The following GPC5 variants were observed in gnomAD, a reference collection of about 807,000 sequenced individuals.
GPC5 encodes glypican-5.
GPC5 carries 47 observed loss-of-function variants against 53.9 expected under a neutral mutation model. That is an observed-to-expected ratio of 0.87 (90% CI 0.69 to 1.11). The LOEUF is 1.11. Among genes scored for constraint, GPC5 ranks in the 50% most tolerant of loss-of-function variants. GPC5 has a pLI of 0.00. For synonymous variants in GPC5, 286 were observed against 263.3 expected (o/e 1.09, Z -0.84); for missense variants, 748 against 713.1 (o/e 1.05, Z -0.56).
Position 91,693,810 on chromosome 13 carries a change from C to T in GPC5, c.949C>T (p.Leu317=), listed in dbSNP as rs149015815. 3.5e-4 allele frequency: 571 copies of T among 1,613,504 alleles called. 9 individuals carry two copies. The South Asian group carries it at 6.0e-3, about 17-fold the overall frequency. Residue 317 remains leucine (L), a synonymous_variant, in exon 3 of 8, where the codon CTG becomes TTG. Transcript: ENST00000377067. ...HGTYDIGHVL[L]NFHLLVNDAV... Reference sequence around the variant, plus strand: ...AACATACGACATTGGACACGTGCTGCTGAACTTTCACTTGCTTGTTAATGA... The same window carrying T: ...AACATACGACATTGGACACGTGCTGTTGAACTTTCACTTGCTTGTTAATGA...
At position 92,866,527 on chromosome 13, in the gene GPC5, G is replaced by T. The variant is rs1309339431; in HGVS notation, c.*88G>T. The T allele has an allele frequency of 4.7e-6, 5 of 1,063,544 alleles. No individual in the cohort carries two copies. In the African/African-American group the frequency reaches 6.5e-5, roughly 14 times the overall value. 65.9% of individuals were successfully genotyped at this position (1,063,544 alleles called of 1,614,324 possible). A position where few individuals can be genotyped will look rare whatever the true frequency, so the allele number is the denominator to read the frequency against. On this transcript the variant is annotated 3_prime_UTR_variant, in exon 8 of 8. Coordinates refer to ENST00000377067, the MANE Select transcript of GPC5 (RefSeq NM_004466.6). ...CTGGAATAAGAGATCCTTTTTCAAT[G>T]TAACAATTATATTTATGAAAAGATA...
chr13:92,009,195 A>G (rs2040637443), intron 6 of GPC5, among the ~76,000 whole-genome samples: 1 of 150,752 alleles, frequency 6.6e-6, no homozygotes, highest in Non-Finnish European at 1.5e-5. Flanking sequence ...CTTGGCATAT[A>G]CAATAATTTT....
intron 2 of GPC5, among the ~76,000 whole-genome samples, chr13:91,681,877 C>G (rs924413677): frequency 6.6e-6 from 1 of 152,104 alleles, no homozygotes; most frequent in Non-Finnish European, 1.5e-5. Context: ...TTATCATACA[C>G]AATATCTTAA....
intron 7 of GPC5, among the ~76,000 whole-genome samples, chr13:92,467,262 A>G (rs1046188293): frequency 3.3e-5 from 5 of 152,096 alleles, no homozygotes; most frequent in African/African-American, 1.2e-4. Context: ...GAAGACGATT[A>G]AAGAGAGGGA....
intron 5 of GPC5, among the ~76,000 whole-genome samples, chr13:91,850,904 T>A (rs1427939180): frequency 3.9e-5 from 6 of 152,174 alleles, no homozygotes; most frequent in Admixed American, 3.9e-4. Context: ...TCATGGAATA[T>A]GAATAGTCAT....
chr13:91,953,463 C>T (rs910688707), intron 6 of GPC5, among the ~76,000 whole-genome samples: 27 of 151,550 alleles, frequency 1.8e-4, no homozygotes, highest in Middle Eastern at 3.4e-3. Context: ...AACCAAATTA[C>T]AAAATAAAAT....
chr13:92,718,677 C>G (rs1009043963), intron 7 of GPC5, among the ~76,000 whole-genome samples: 1 of 151,974 alleles, frequency 6.6e-6, no homozygotes, highest in African/African-American at 2.4e-5. Flanking sequence ...GGTTAAAGAC[C>G]AGCCTGGCCA....
At chr13:92,153,487 T>A (rs1352784535) in intron 7 of GPC5, among the ~76,000 whole-genome samples, 1 of 152,198 alleles carries the variant, frequency 6.6e-6, no homozygotes, top group East Asian at 1.9e-4. Flanking sequence ...AATACATAAC[T>A]CATTTATGTA....
intron 6 of GPC5, 135 bp downstream of exon 6, chr13:91,908,192 G>T (rs1010144427): frequency 3.0e-6 from 2 of 676,318 alleles, no homozygotes; most frequent in Non-Finnish European, 4.6e-6. Context: ...TTTGTATCAG[G>T]ACATTTGGAA....
At position 92,633,201 on chromosome 13, in the gene GPC5, C is replaced by A. The variant is rs116850305; in HGVS notation, c.1562-233081C>A. Among the ~76,000 whole-genome samples, 1,379 of 152,242 alleles carry A rather than the reference C, an allele frequency of 9.1e-3. 6 individuals carry two copies. Among genetic ancestry groups the A allele is most frequent in the Non-Finnish European group, 0.015 (1,018 of 68,014 alleles). On this transcript the variant is annotated intron_variant, in intron 7 of 7. Coordinates refer to ENST00000377067, the MANE Select transcript of GPC5 (RefSeq NM_004466.6). ...AGCCACCACGCCCAGCCAAAACTCC[C>A]ATTTTTTAAAACCATCAGATCTCCT...
intron 5 of GPC5, among the ~76,000 whole-genome samples, chr13:91,802,470 G>A (rs1299427905): frequency 6.6e-6 from 1 of 152,176 alleles, no homozygotes; most frequent in Non-Finnish European, 1.5e-5. Context: ...ATTGTGAAGA[G>A]CAAAAGAACA....
At chr13:92,678,364 A>G (rs898364928) in intron 7 of GPC5, among the ~76,000 whole-genome samples, 4 of 152,192 alleles carry the variant, frequency 2.6e-5, no homozygotes, top group African/African-American at 9.6e-5. Flanking sequence ...GAAGGCGCAT[A>G]AAGAGTTCTG....
chr13:91,798,405 T>C (rs1348325480), intron 5 of GPC5, among the ~76,000 whole-genome samples: 5 of 152,192 alleles, frequency 3.3e-5, no homozygotes, highest in Non-Finnish European at 1.5e-5. Flanking sequence ...TGTGTTCTCA[T>C]CATTCAGCTC....
intron 7 of GPC5, among the ~76,000 whole-genome samples, chr13:92,267,166 C>G (rs2042808238): frequency 6.6e-6 from 1 of 152,034 alleles, no homozygotes; most frequent in Non-Finnish European, 1.5e-5. Flanking sequence ...AACAACTAAT[C>G]AAACATACGT....
intron 7 of GPC5, among the ~76,000 whole-genome samples, chr13:92,293,181 T>A (rs2043009448): frequency 6.7e-6 from 1 of 149,372 alleles, no homozygotes; most frequent in South Asian, 2.1e-4. Flanking sequence ...AATTTTAGAA[T>A]TTTTTTTTCT....
intron 7 of GPC5, among the ~76,000 whole-genome samples, chr13:92,821,514 C>T (rs1356763769): frequency 1.3e-5 from 2 of 152,136 alleles, no homozygotes; most frequent in Non-Finnish European, 2.9e-5. Context: ...CAATGTCTAT[C>T]AGAGGCAGAG....
intron 5 of GPC5, among the ~76,000 whole-genome samples, chr13:91,824,297 GA>G (rs1365625301): frequency 1.3e-5 from 2 of 152,030 alleles, no homozygotes; most frequent in Non-Finnish European, 2.9e-5. Flanking sequence ...ATGATGGCAT[GA>G]AATTTTGAAG....
intron 2 of GPC5, among the ~76,000 whole-genome samples, chr13:91,575,974 G>T (rs1318210710): frequency 2.0e-5 from 3 of 152,112 alleles, no homozygotes; most frequent in Non-Finnish European, 4.4e-5. Flanking sequence ...CAATAATACA[G>T]TAATTTTGGC....
At chr13:92,338,744 G>A (rs2043342731) in intron 7 of GPC5, among the ~76,000 whole-genome samples, 1 of 152,072 alleles carries the variant, frequency 6.6e-6, no homozygotes, top group South Asian at 2.1e-4. Context: ...GGGAGCAGGA[G>A]GGATGAAAGA....
Sources: gnomAD v4.1 joint callset for allele counts (sites outside exome capture counted in the v4.1 genomes callset) on GRCh38, gnomAD v4.1.1 for gene constraint, MANE v1.5 for transcripts, NCBI Gene and HGNC (gene_info 2026-07-23, HGNC 2026-07-21) for gene names.